Variants in SLC2A14 observed in about 807,000 individuals in gnomAD.
SLC2A14 encodes solute carrier family 2, facilitated glucose transporter member 14.
A neutral mutation model predicts 43.0 loss-of-function variants in SLC2A14; 13 were observed. That is an observed-to-expected ratio of 0.30 (90% CI 0.20 to 0.48). The LOEUF (loss-of-function observed/expected upper bound fraction) is 0.48, where lower values mean the gene tolerates loss of function less well. Ranked by LOEUF, SLC2A14 falls within the 20% of genes least tolerant of loss-of-function variation. The probability of loss-of-function intolerance (pLI) is 0.99; values close to 1 mark genes in which losing one functional copy is unlikely to be tolerated. For synonymous variants in SLC2A14, 190 were observed against 233.8 expected (o/e 0.81, Z 1.71); for missense variants, 428 against 620.4 (o/e 0.69, Z 3.29).
chr12:7,862,335 C>T (rs111572683), intron 2 of SLC2A14, among the ~76,000 whole-genome samples: 40 of 151,110 alleles, frequency 2.6e-4, no homozygotes, highest in African/African-American at 9.2e-4. Flanking sequence ...AATACCAGCA[C>T]TTTGGAAGGC....
chr12:7,828,214 A>G (rs1373548005), intron 6 of SLC2A14, among the ~76,000 whole-genome samples: 1 of 152,052 alleles, frequency 6.6e-6, no homozygotes, highest in Admixed American at 6.6e-5. Flanking sequence ...ACACAAAAAC[A>G]TTAGCTGGCG....
intron 2 of SLC2A14, among the ~76,000 whole-genome samples, chr12:7,867,702 G>A (rs1221898184): frequency 1.3e-5 from 2 of 151,836 alleles, no homozygotes; most frequent in Non-Finnish European, 2.9e-5. Context: ...AAAATTAGCT[G>A]GGTGTGGTGG....
At chr12:7,858,332 C>T (rs903329415) in intron 2 of SLC2A14, among the ~76,000 whole-genome samples, 4 of 152,156 alleles carry the variant, frequency 2.6e-5, no homozygotes, top group Admixed American at 6.6e-5. Flanking sequence ...TCATTCTCTC[C>T]TTGTTCATAT....
chr12:7,838,612 C>T (rs1018820029), intron 2 of SLC2A14, among the ~76,000 whole-genome samples: 6 of 152,118 alleles, frequency 3.9e-5, no homozygotes, highest in Non-Finnish European at 8.8e-5. Flanking sequence ...CTTTTCTCAC[C>T]CATACCAAAT....
At chr12:7,828,485 G>A (rs1401930860) in intron 6 of SLC2A14, among the ~76,000 whole-genome samples, 1 of 152,056 alleles carries the variant, frequency 6.6e-6, no homozygotes, top group Non-Finnish European at 1.5e-5. Context: ...GGAGGCGGAG[G>A]TTGCAGTGAA....
chr12:7,869,972 C>G, intron 1 of SLC2A14, 35 bp from the exon 2 acceptor site: 1 of 1,364,994 alleles, frequency 7.3e-7, no homozygotes, highest in South Asian at 1.3e-5. Flanking sequence ...TTCATTTACT[C>G]CATCTACTTA....
At position 7,846,403 on chromosome 12, in the gene SLC2A14, T is replaced by C. The variant is rs759576894; in HGVS notation, c.19-13589A>G. Among the ~76,000 whole-genome samples, 23 of 149,520 alleles carry C rather than the reference T, an allele frequency of 1.5e-4. No homozygotes were observed. The East Asian group carries it at 4.3e-3, about 28-fold the overall frequency. On this transcript the variant is annotated intron_variant, in intron 2 of 10. Transcript: ENST00000431042. ...TACATGAAACAAATCTCATTATTGG[T>C]TAAAAAAAAAAAAAACTTTATCCTT...
intron 2 of SLC2A14, among the ~76,000 whole-genome samples, chr12:7,866,479 C>G (rs1944920160): frequency 6.6e-6 from 1 of 152,000 alleles, no homozygotes. Flanking sequence ...ATTGTCCTGC[C>G]TCAGCCTCCC....
upstream of SLC2A14, among the ~76,000 whole-genome samples, chr12:7,878,218 GT>G (rs1407964479): frequency 2.0e-5 from 3 of 151,610 alleles, no homozygotes; most frequent in Non-Finnish European, 4.4e-5. Context: ...GCCTGGCTAA[GT>G]TTTGTATTTT....
At chr12:7,867,570 G>T (rs1361433145) in intron 2 of SLC2A14, among the ~76,000 whole-genome samples, 5 of 151,942 alleles carry the variant, frequency 3.3e-5, no homozygotes, top group South Asian at 2.1e-4. Flanking sequence ...TTCTTGGCTG[G>T]GCTCAGTGGC....
intron 2 of SLC2A14, among the ~76,000 whole-genome samples, chr12:7,855,207 T>C (rs1269249830): frequency 6.6e-6 from 1 of 152,172 alleles, no homozygotes; most frequent in Non-Finnish European, 1.5e-5. Context: ...CTCTGGACAT[T>C]AGGCATTCCA....
At chr12:7,815,816 T>C (rs1350599132) in intron 10 of SLC2A14, among the ~76,000 whole-genome samples, 1 of 152,180 alleles carries the variant, frequency 6.6e-6, no homozygotes, top group Non-Finnish European at 1.5e-5. Context: ...CCTCAGGTGA[T>C]CCTCTCGCCT....
At chr12:7,882,178 G>C (rs1046171160) in intron 1 of SLC2A14, among the ~76,000 whole-genome samples, 6 of 152,026 alleles carry the variant, frequency 3.9e-5, no homozygotes, top group African/African-American at 1.4e-4. Flanking sequence ...CACTCACCGT[G>C]AAAGTCTGTA....
At chr12:7,873,192 G>A (rs1945337009), upstream of SLC2A14, 2 of 985,406 alleles carry the variant, frequency 2.0e-6, no homozygotes, top group South Asian at 9.4e-5. Flanking sequence ...ACAGTTTTGG[G>A]ACCCACCACC....
intron 1 of SLC2A14, among the ~76,000 whole-genome samples, chr12:7,879,321 A>AAACAAACAAC: frequency 2.9e-5 from 1 of 34,554 alleles, no homozygotes; most frequent in African/African-American, 5.9e-5. Context: ...AAAAAAAAAC[A>AAACAAACAAC]AACAACAACA....
chr12:7,889,055 A>G (rs1945734930), intron 1 of SLC2A14, among the ~76,000 whole-genome samples: 1 of 152,040 alleles, frequency 6.6e-6, no homozygotes, highest in South Asian at 2.1e-4. Flanking sequence ...ACAGTGCCTC[A>G]TGCATATTAA....
Position 7,813,660 on chromosome 12 carries a change from A to AG in SLC2A14, c.*655_*656insC, listed in dbSNP as rs1863198370. 1 of 153,076 alleles carries AG rather than the reference A, an allele frequency of 6.5e-6. No individual in the cohort carries two copies. Among genetic ancestry groups the AG allele is most frequent in the Non-Finnish European group, 1.5e-5 (1 of 68,614 alleles). 9.5% of individuals were successfully genotyped at this position (153,076 alleles called of 1,614,324 possible). A position where few individuals can be genotyped will look rare whatever the true frequency, so the allele number is the denominator to read the frequency against. On this transcript the variant is annotated 3_prime_UTR_variant, in exon 11 of 11. Transcript: ENST00000431042. ...TCAGGCACCACATCATTTACCCTCC[A>AG]ATAATGAACAACATTTCTCCCTGAA... is the stretch of plus-strand genomic sequence containing the variant.
intron 2 of SLC2A14, among the ~76,000 whole-genome samples, chr12:7,866,521 C>T (rs1357135492): frequency 6.6e-6 from 1 of 151,924 alleles, no homozygotes; most frequent in African/African-American, 2.4e-5. Context: ...CCTGCCACCA[C>T]GCCCAGCTAA....
upstream of SLC2A14, chr12:7,872,990 A>G (rs867036746): frequency 2.3e-5 from 23 of 985,360 alleles, no homozygotes; most frequent in African/African-American, 3.3e-4. Context: ...GTTCATCGGG[A>G]GCCCTCCGTA....
Sources: allele counts gnomAD v4.1 joint callset (sites outside exome capture counted in the v4.1 genomes callset), GRCh38; gene constraint gnomAD v4.1.1; transcripts MANE v1.5; gene names NCBI Gene and HGNC (gene_info 2026-07-23, HGNC 2026-07-21).